Variants in MAP2K3 observed in about 807,000 individuals in gnomAD.
MAP2K3 encodes mitogen-activated protein kinase kinase 3.
MAP2K3 carries 30 observed loss-of-function variants against 46.4 expected under a neutral mutation model. The observed-to-expected ratio is 0.65, with a 90% CI of 0.48 to 0.88. The LOEUF is 0.88. Ranked by LOEUF, MAP2K3 falls within the 40% of genes least tolerant of loss-of-function variation. The pLI is 0.00. For synonymous variants in MAP2K3, 189 were observed against 176.3 expected (o/e 1.07, Z -0.57); for missense variants, 380 against 464.5 (o/e 0.82, Z 1.67).
chr17:21,303,380 C>A (rs1356583063), intron 7 of MAP2K3, 146 bp downstream of exon 7: 2 of 1,099,906 alleles, frequency 1.8e-6, no homozygotes, highest in East Asian at 2.6e-5. Context: ...CGCTTTCCAC[C>A]TGCAGCCCTG....
chr17:21,298,694 G>C (rs890211484), intron 2 of MAP2K3, among the ~76,000 whole-genome samples, 184 bp from the exon 3 acceptor site: 35 of 152,300 alleles, frequency 2.3e-4, no homozygotes, highest in Non-Finnish European at 4.0e-4. Flanking sequence ...TTGGAGGCTC[G>C]ATGAGGCCGT....
In MAP2K3 at chr17:21,312,240, C is replaced by G; in HGVS notation, c.873C>G (p.Ala291=). ...AGGAGCCGTCCCCCCAGCTCCCAGCCGACCGTTTCTCCCCCGAGTTTGTGG... is the reference window on the plus strand; with the variant it reads ...AGGAGCCGTCCCCCCAGCTCCCAGCGGACCGTTTCTCCCCCGAGTTTGTGG... ...VVEEPSPQLP[A]DRFSPEFVDF... is the part of the protein sequence containing the mutation. The change falls in exon 10 of 12, where the codon GCC becomes GCG. Residue 291 remains alanine (A), a synonymous_variant. Transcript: ENST00000342679. 6.2e-7 allele frequency: 1 copy of G among 1,602,156 alleles called. No homozygotes were observed. The highest frequency in any genetic ancestry group is 8.5e-7 in the Non-Finnish European group (1 of 1,176,052).
At chr17:21,290,775 G>A (rs1343880977) in intron 1 of MAP2K3, among the ~76,000 whole-genome samples, 6 of 152,382 alleles carry the variant, frequency 3.9e-5, no homozygotes, top group African/African-American at 9.6e-5. Flanking sequence ...CATAGGGAGA[G>A]CTCATCTCTA....
rs550788471 is a variant in MAP2K3, at chr17:21,288,523, C to T, written c.49+3554C>T. On this transcript the variant is annotated intron_variant, in intron 1 of 11. Transcript: ENST00000342679. Reference sequence around the variant, plus strand: ...AGATGGTGATGTGGAGAGGCTAAGACCTCAGTTTCCAGAGCCTGACTGCCT... The same window carrying T: ...AGATGGTGATGTGGAGAGGCTAAGATCTCAGTTTCCAGAGCCTGACTGCCT... 3.2e-4 allele frequency among the ~76,000 whole-genome samples: 49 copies of T among 152,326 alleles called. 1 individual carries two copies. In the South Asian group the frequency reaches 0.01, roughly 32 times the overall value.
chr17:21,313,021 G>A (rs902893993), intron 10 of MAP2K3, among the ~76,000 whole-genome samples: 16 of 152,040 alleles, frequency 1.1e-4, no homozygotes, highest in Non-Finnish European at 1.8e-4. Context: ...AGGAAGAAGC[G>A]GCCGGGTGCG....
At chr17:21,301,096 A>G (rs1597817374) in intron 5 of MAP2K3, 103 bp downstream of exon 5, 4 of 1,582,568 alleles carry the variant, frequency 2.5e-6, no homozygotes, top group Non-Finnish European at 3.4e-6. Flanking sequence ...TGCTGGGGAC[A>G]CCTGGCATAC....
At chr17:21,297,719 G>C (rs2144538770) in intron 1 of MAP2K3, among the ~76,000 whole-genome samples, 1 of 152,424 alleles carries the variant, frequency 6.6e-6, no homozygotes, top group South Asian at 2.1e-4. Flanking sequence ...TGAGAGGTGT[G>C]GACACTGGGG....
intron 1 of MAP2K3, 153 bp downstream of exon 1, chr17:21,285,122 C>T: frequency 2.4e-6 from 2 of 848,810 alleles, no homozygotes; most frequent in African/African-American, 3.7e-5. Context: ...GGTCCCGGGA[C>T]CAGCCCCCGC....
At chr17:21,309,999 TG>T (rs1977088910) in intron 9 of MAP2K3, among the ~76,000 whole-genome samples, 1 of 152,004 alleles carries the variant, frequency 6.6e-6, no homozygotes, top group Non-Finnish European at 1.5e-5. Flanking sequence ...TTTTGTTTTT[TG>T]TTTTTTTTGT....
chr17:21,305,503 C>A (rs534595437), intron 9 of MAP2K3, among the ~76,000 whole-genome samples: 1 of 152,280 alleles, frequency 6.6e-6, no homozygotes, highest in African/African-American at 2.4e-5. Context: ...GGTTTGTTGT[C>A]GGTGGCGTCC....
chr17:21,314,015 G>A (rs1418611448), intron 11 of MAP2K3, 132 bp from the exon 12 acceptor site: 2 of 715,498 alleles, frequency 2.8e-6, no homozygotes, highest in Non-Finnish European at 2.5e-6. Context: ...CCTCCTGGGG[G>A]TGGAGGTCCT....
At chr17:21,301,770 G>C (rs1976614162) in intron 5 of MAP2K3, among the ~76,000 whole-genome samples, 1 of 152,312 alleles carries the variant, frequency 6.6e-6, no homozygotes, top group Non-Finnish European at 1.5e-5. Flanking sequence ...CCATCTGCCA[G>C]GGTCAGCTGG....
intron 1 of MAP2K3, among the ~76,000 whole-genome samples, chr17:21,294,806 G>A (rs17772089): frequency 1.2e-4 from 19 of 152,176 alleles, no homozygotes; most frequent in African/African-American, 4.6e-4. Context: ...CTGATAACCC[G>A]GGGAGGTTTG....
chr17:21,300,338 CTG>C (rs1481719404), intron 3 of MAP2K3: 3 of 611,484 alleles, frequency 4.9e-6, no homozygotes, highest in Non-Finnish European at 8.7e-6. Context: ...GGTGTTGGCA[CTG>C]TGCCTGTTTT....
chr17:21,300,835 C>T (rs1976554338), intron 4 of MAP2K3, 39 bp from the exon 5 acceptor site: 1 of 1,613,680 alleles, frequency 6.2e-7, no homozygotes, highest in South Asian at 1.1e-5. Context: ...GTGTTGGCCT[C>T]TGCCACGGCA....
chr17:21,303,131 GACC>G, intron 6 of MAP2K3, 49 bp from the exon 7 acceptor site: 1 of 1,612,090 alleles, frequency 6.2e-7, no homozygotes, highest in Non-Finnish European at 8.5e-7. Context: ...TTTTTGACGT[GACC>G]AGGAATAACA....
At chr17:21,288,440 G>A (rs1162451441) in intron 1 of MAP2K3, among the ~76,000 whole-genome samples, 1 of 152,246 alleles carries the variant, frequency 6.6e-6, no homozygotes, top group Non-Finnish European at 1.5e-5. Flanking sequence ...CTCAGGGAGG[G>A]TGAGGAGCAG....
chr17:21,304,955 C>T lies in MAP2K3; in HGVS notation c.697-96C>T, dbSNP rs35676094. ...CTCCCCCGTCACATGGGCAGGTGGG[C>T]TAAGCTGAGCGCTCAGTTTGGGGAT... On this transcript the variant is annotated intron_variant, in intron 8 of 11. Transcript: ENST00000342679. 8.1e-5 allele frequency: 114 copies of T among 1,405,194 alleles called. No individual in the cohort carries two copies. In the South Asian group the frequency reaches 1.3e-3, roughly 16 times the overall value. 87.0% of individuals were successfully genotyped at this position (1,405,194 alleles called of 1,614,324 possible). A position where few individuals can be genotyped will look rare whatever the true frequency, so the allele number is the denominator to read the frequency against.
chr17:21,295,880 G>A, intron 1 of MAP2K3: 1 of 1,282,702 alleles, frequency 7.8e-7, no homozygotes, highest in Non-Finnish European at 1.0e-6. Context: ...AGCAGAGAGA[G>A]TGCAGGGAGG....
Sources: allele counts gnomAD v4.1 joint callset (sites outside exome capture counted in the v4.1 genomes callset), GRCh38; gene constraint gnomAD v4.1.1; transcripts MANE v1.5; gene names NCBI Gene and HGNC (gene_info 2026-07-23, HGNC 2026-07-21).